The following CPNE8 variants were observed in gnomAD, a reference collection of about 807,000 sequenced individuals.
The protein encoded by CPNE8 is copine-8.
In CPNE8, 45 loss-of-function variants were observed where a neutral mutation model predicts 81.5. That is an observed-to-expected ratio of 0.55 (90% CI 0.44 to 0.71). CPNE8 has a LOEUF of 0.71. Among genes scored for constraint, CPNE8 ranks in the 30% least tolerant of loss-of-function variants. CPNE8 has a pLI of 0.00. For missense variants in CPNE8, 594 were observed against 672.1 expected, an observed-to-expected ratio of 0.88 and a Z score of 1.28; for synonymous variants, 252 against 226.3, an observed-to-expected ratio of 1.11 and a Z score of -1.02.
At chr12:38,711,269 T>A (rs1409052748) in intron 13 of CPNE8, among the ~76,000 whole-genome samples, 5 of 152,166 alleles carry the variant, frequency 3.3e-5, no homozygotes, top group Non-Finnish European at 7.4e-5. Flanking sequence ...AACATAACTA[T>A]GAAACTGCCC....
chr12:38,704,704 C>T (rs2136695081), intron 13 of CPNE8, among the ~76,000 whole-genome samples: 1 of 151,632 alleles, frequency 6.6e-6, no homozygotes, highest in East Asian at 1.9e-4. Context: ...CACCGTCCAG[C>T]ATCAGAAGAG....
chr12:38,848,689 A>G, intron 3 of CPNE8, 27 bp from the exon 4 acceptor site: 1 of 1,569,004 alleles, frequency 6.4e-7, no homozygotes. Flanking sequence ...AGAATTTAAA[A>G]TTAAACCTTG....
At chr12:38,671,800 T>C (rs1939183038) in intron 18 of CPNE8, among the ~76,000 whole-genome samples, 1 of 152,100 alleles carries the variant, frequency 6.6e-6, no homozygotes, top group Non-Finnish European at 1.5e-5. Context: ...AATTTTACCT[T>C]TCTACACATG....
intron 13 of CPNE8, among the ~76,000 whole-genome samples, chr12:38,719,633 G>C (rs1225337897): frequency 3.4e-5 from 5 of 146,332 alleles, no homozygotes. Flanking sequence ...TTGCTCTTAA[G>C]AAGTCCTTCA....
chr12:38,779,264 C>G (rs1941996551), intron 6 of CPNE8, among the ~76,000 whole-genome samples: 1 of 152,094 alleles, frequency 6.6e-6, no homozygotes, highest in Non-Finnish European at 1.5e-5. Context: ...ATAAGCAGAA[C>G]TGAACACTGG....
chr12:38,785,647 G>A (rs528113683), intron 6 of CPNE8, among the ~76,000 whole-genome samples: 1 of 152,256 alleles, frequency 6.6e-6, no homozygotes, highest in Middle Eastern at 3.4e-3. Context: ...GGAACTATGA[G>A]TCAATTAAAC....
chr12:38,659,465 C>A (rs1938900725), intron 19 of CPNE8, among the ~76,000 whole-genome samples: 1 of 152,036 alleles, frequency 6.6e-6, no homozygotes, highest in Admixed American at 6.6e-5. Context: ...ACTTTAACAC[C>A]CCACTGTCAA....
intron 1 of CPNE8, among the ~76,000 whole-genome samples, chr12:38,886,907 G>A (rs1346834743): frequency 6.6e-6 from 1 of 152,140 alleles, no homozygotes; most frequent in Non-Finnish European, 1.5e-5. Context: ...GAACTGTGGG[G>A]TGTGTGCCCA....
intron 10 of CPNE8, among the ~76,000 whole-genome samples, chr12:38,741,409 C>T (rs1485626169): frequency 6.6e-6 from 1 of 152,096 alleles, no homozygotes; most frequent in Non-Finnish European, 1.5e-5. Flanking sequence ...TTTGACAAAC[C>T]TGACAAAAAC....
intron 6 of CPNE8, among the ~76,000 whole-genome samples, chr12:38,786,356 C>T (rs550116107): frequency 1.3e-5 from 2 of 152,146 alleles, no homozygotes; most frequent in African/African-American, 4.8e-5. Flanking sequence ...CAGACCCACC[C>T]TTACTCTGGG....
chr12:38,845,980 G>A (rs943177147), intron 4 of CPNE8, among the ~76,000 whole-genome samples: 4 of 152,162 alleles, frequency 2.6e-5, no homozygotes, highest in Admixed American at 6.5e-5. Flanking sequence ...TTTGCAATAT[G>A]CTTTCCCATT....
At chr12:38,846,844 G>A (rs372428916) in intron 4 of CPNE8, among the ~76,000 whole-genome samples, 13 of 152,066 alleles carry the variant, frequency 8.5e-5, no homozygotes, top group African/African-American at 2.9e-4. Flanking sequence ...AGGATTATAT[G>A]TAGTAGGAAA....
intron 1 of CPNE8, among the ~76,000 whole-genome samples, chr12:38,877,794 AG>A (rs767598455): frequency 9.2e-5 from 14 of 152,184 alleles, no homozygotes; most frequent in Non-Finnish European, 1.3e-4. Context: ...AAATACTATC[AG>A]AAGTCTTCAA....
intron 10 of CPNE8, among the ~76,000 whole-genome samples, chr12:38,734,901 C>T (rs1466182841): frequency 3.3e-5 from 5 of 152,060 alleles, no homozygotes; most frequent in South Asian, 2.1e-4. Context: ...GAGTTACACA[C>T]GCATGTGGCT....
At chr12:38,686,258 G>T (rs1248555511) in intron 15 of CPNE8, among the ~76,000 whole-genome samples, 4 of 151,926 alleles carry the variant, frequency 2.6e-5, no homozygotes, top group African/African-American at 9.7e-5. Flanking sequence ...ATCAAGACAA[G>T]GCAAAAGGAA....
chr12:38,654,514 C>CAAAA (rs71068569), intron 19 of CPNE8, among the ~76,000 whole-genome samples: 5,509 of 97,144 alleles, frequency 0.057, 296 homozygotes, highest in East Asian at 0.2. Context: ...GACTCTGTCT[C>CAAAA]AAAAAAAAAA....
intron 17 of CPNE8, chr12:38,676,023 G>A (rs1040631359): frequency 1.3e-5 from 2 of 159,866 alleles, no homozygotes; most frequent in East Asian, 1.9e-4. Flanking sequence ...GTCTGAGGTG[G>A]AGGGATCACC....
intron 1 of CPNE8, among the ~76,000 whole-genome samples, chr12:38,895,071 T>C (rs1382523112): frequency 6.6e-6 from 1 of 152,108 alleles, no homozygotes; most frequent in Non-Finnish European, 1.5e-5. Flanking sequence ...TTAATAAAAT[T>C]AATGTGTCAC....
chr12:38,891,268 C>T (rs1422254823), intron 1 of CPNE8, among the ~76,000 whole-genome samples: 1 of 151,874 alleles, frequency 6.6e-6, no homozygotes, highest in Non-Finnish European at 1.5e-5. Context: ...CTGTGGCCAC[C>T]TCTAAAATTA....
Sources: allele counts gnomAD v4.1 joint callset (sites outside exome capture counted in the v4.1 genomes callset), GRCh38; gene constraint gnomAD v4.1.1; transcripts MANE v1.5; gene names NCBI Gene and HGNC (gene_info 2026-07-23, HGNC 2026-07-21).